Variants in RGS10 observed in about 807,000 individuals in gnomAD.
RGS10 encodes the protein regulator of G-protein signalling 10.
RGS10 carries 11 observed loss-of-function variants against 23.5 expected under a neutral mutation model. The observed-to-expected ratio is 0.47, with a 90% confidence interval of 0.29 to 0.77. The LOEUF is 0.77. Among genes scored for constraint, RGS10 ranks in the 30% least tolerant of loss-of-function variants. The probability of loss-of-function intolerance (pLI) is 0.08; values close to 1 mark genes in which losing one functional copy is unlikely to be tolerated. For missense variants in RGS10, 180 were observed against 226.3 expected (o/e 0.80, Z 1.31); for synonymous variants, 77 against 83.2 (o/e 0.92, Z 0.41).
chr10:119,502,672 C>G (rs937335295), intron 4 of RGS10, among the ~76,000 whole-genome samples: 3 of 152,136 alleles, frequency 2.0e-5, no homozygotes, highest in Non-Finnish European at 2.9e-5. Flanking sequence ...GACTCGACCC[C>G]GAGATCCCGA....
intron 4 of RGS10, among the ~76,000 whole-genome samples, chr10:119,509,812 C>G (rs1206752867): frequency 6.6e-6 from 1 of 152,142 alleles, no homozygotes; most frequent in Non-Finnish European, 1.5e-5. Flanking sequence ...ACAGAACCCT[C>G]CTGGGGTCAG....
chr10:119,534,312 G>A (rs1451249665), intron 1 of RGS10, among the ~76,000 whole-genome samples: 1 of 146,282 alleles, frequency 6.8e-6, no homozygotes, highest in Non-Finnish European at 1.5e-5. Flanking sequence ...AATAAAAAAG[G>A]CCAGGCACTG....
intron 3 of RGS10, among the ~76,000 whole-genome samples, chr10:119,525,108 G>T (rs1321308348): frequency 6.6e-6 from 1 of 152,078 alleles, no homozygotes; most frequent in African/African-American, 2.4e-5. Flanking sequence ...AAATCATCTG[G>T]TTTCACGTAA....
At chr10:119,536,828 T>C (rs2133961559) in intron 1 of RGS10, among the ~76,000 whole-genome samples, 1 of 152,254 alleles carries the variant, frequency 6.6e-6, no homozygotes, top group African/African-American at 2.4e-5. Flanking sequence ...CTCTGGGGCC[T>C]GACATTTCTG....
intron 1 of RGS10, among the ~76,000 whole-genome samples, chr10:119,535,131 A>T (rs892408988): frequency 5.9e-5 from 9 of 152,104 alleles, no homozygotes; most frequent in African/African-American, 2.2e-4. Context: ...CTCTTTACCA[A>T]GGGCTCTACT....
chr10:119,512,520 T>C (rs1844090096), intron 4 of RGS10, among the ~76,000 whole-genome samples: 1 of 150,386 alleles, frequency 6.6e-6, no homozygotes, highest in Non-Finnish European at 1.5e-5. Context: ...AGGAAGAAAG[T>C]TCGTGGATCT....
intron 3 of RGS10, among the ~76,000 whole-genome samples, chr10:119,521,854 T>C (rs1844222385): frequency 6.6e-6 from 1 of 151,982 alleles, no homozygotes; most frequent in Non-Finnish European, 1.5e-5. Context: ...AGATTATCAG[T>C]GAAGTAGGAG....
At chr10:119,532,377 T>C (rs1321369150) in intron 1 of RGS10, among the ~76,000 whole-genome samples, 1 of 152,178 alleles carries the variant, frequency 6.6e-6, no homozygotes, top group Non-Finnish European at 1.5e-5. Context: ...CAGGGTCCCC[T>C]GCTCAGGGGA....
intron 4 of RGS10, among the ~76,000 whole-genome samples, chr10:119,510,392 C>T (rs894315896): frequency 6.6e-6 from 1 of 152,188 alleles, no homozygotes; most frequent in Non-Finnish European, 1.5e-5. Context: ...GGTCCCGGCT[C>T]CCAGGTCCTC....
chr10:119,504,135 T>C lies in RGS10; in HGVS notation c.400-3876A>G, dbSNP rs549308071. Among the ~76,000 whole-genome samples the C allele has an allele frequency of 2.6e-5, 4 of 152,326 alleles. No individual in the cohort carries two copies. The East Asian group carries it at 5.8e-4, about 22-fold the overall frequency. ...TGAATGTTAAATGACTGATACTAAA[T>C]TTTAAAAACACACCCTATCTAAAAA... On this transcript the variant is annotated intron_variant, in intron 4 of 4. Coordinates refer to ENST00000369103, the MANE Select transcript of RGS10 (RefSeq NM_001005339.2).
chr10:119,522,103 A>G (rs1467186860), intron 3 of RGS10, among the ~76,000 whole-genome samples: 1 of 152,338 alleles, frequency 6.6e-6, no homozygotes, highest in Non-Finnish European at 1.5e-5. Context: ...GAAGTTCACC[A>G]TGTGTCAGGC....
At chr10:119,529,811 A>G (rs904273999) in intron 1 of RGS10, among the ~76,000 whole-genome samples, 8 of 152,144 alleles carry the variant, frequency 5.3e-5, no homozygotes, top group Non-Finnish European at 7.3e-5. Flanking sequence ...GAAATCAGCA[A>G]GGCCGGGCGA....
intron 4 of RGS10, among the ~76,000 whole-genome samples, chr10:119,511,010 G>A (rs1369720898): frequency 6.6e-6 from 1 of 151,984 alleles, no homozygotes; most frequent in African/African-American, 2.4e-5. Flanking sequence ...GAGCCACCAC[G>A]CCCGGCCGTA....
At chr10:119,518,051 G>A (rs1463108826) in intron 3 of RGS10, among the ~76,000 whole-genome samples, 2 of 152,246 alleles carry the variant, frequency 1.3e-5, no homozygotes, top group Non-Finnish European at 2.9e-5. Context: ...CTGGTGTCTA[G>A]GCCGAGAACA....
At chr10:119,521,122 G>C (rs1844207926) in intron 3 of RGS10, among the ~76,000 whole-genome samples, 1 of 152,062 alleles carries the variant, frequency 6.6e-6, no homozygotes, top group African/African-American at 2.4e-5. Context: ...TGTAATCCCA[G>C]CACTTTGGGA....
chr10:119,536,528 G>C, intron 1 of RGS10: 2 of 1,602,588 alleles, frequency 1.2e-6, no homozygotes, highest in Non-Finnish European at 1.7e-6. Context: ...CCTTCCCAGA[G>C]ACGCCTTGTG....
chr10:119,541,640 G>T (rs907972428), intron 1 of RGS10, among the ~76,000 whole-genome samples: 16 of 152,096 alleles, frequency 1.1e-4, no homozygotes, highest in Non-Finnish European at 2.2e-4. Flanking sequence ...GACTCTGAGC[G>T]CCAAGCAGAA....
intron 1 of RGS10, among the ~76,000 whole-genome samples, chr10:119,536,790 T>A (rs1844392923): frequency 6.6e-6 from 1 of 152,104 alleles, no homozygotes; most frequent in African/African-American, 2.4e-5. Flanking sequence ...TCATCGATTT[T>A]CTCCACTTCC....
At chr10:119,511,081 C>T (rs1844072169) in intron 4 of RGS10, among the ~76,000 whole-genome samples, 1 of 152,172 alleles carries the variant, frequency 6.6e-6, no homozygotes, top group Non-Finnish European at 1.5e-5. Context: ...AAGAAACCAC[C>T]TCTTTGTAAG....
Sources: gnomAD v4.1 joint callset for allele counts (sites outside exome capture counted in the v4.1 genomes callset) on GRCh38, gnomAD v4.1.1 for gene constraint, MANE v1.5 for transcripts, NCBI Gene and HGNC (gene_info 2026-07-23, HGNC 2026-07-21) for gene names.